Variants in ZNF35 observed in about 807,000 individuals in gnomAD.
ZNF35 encodes the protein zinc finger protein 35 (clone HF.10).
Under a neutral mutation model 45.9 loss-of-function variants are expected in ZNF35, and 31 were observed. The ratio of observed to expected loss-of-function variants is 0.68; its 90% CI spans 0.51 to 0.91. ZNF35 has a LOEUF of 0.91. Among genes scored for constraint, ZNF35 ranks in the 40% least tolerant of loss-of-function variants. The pLI, the probability that ZNF35 is intolerant of heterozygous loss-of-function variation, is 0.00. For missense variants in ZNF35, 515 were observed against 625.4 expected (o/e 0.82, Z 1.88); for synonymous variants, 205 against 220.2 (o/e 0.93, Z 0.61).
chr3:44,658,670 T>A (rs1297790168), intron 3 of ZNF35, 31 bp from the exon 4 acceptor site: 2 of 1,530,420 alleles, frequency 1.3e-6, no homozygotes, highest in African/African-American at 1.4e-5. Flanking sequence ...CAGAGAAAGC[T>A]AACATTTGTA....
rs1056768554 is a variant in ZNF35 at position 44,660,009 on chromosome 3, C to T, written c.*62C>T. ...AACCTTCTGCCTCCCTAATGAGACA[C>T]CTCTTTGCTGTTTTCTTCCTCCTCT... On this transcript the variant is annotated 3_prime_UTR_variant, in exon 4 of 4. Transcript: ENST00000396056. The T allele has an allele frequency of 3.3e-5, 49 of 1,466,658 alleles. No homozygotes were observed. Among genetic ancestry groups the T allele is most frequent in the Non-Finnish European group, 4.3e-5 (47 of 1,100,680 alleles). The allele number at this position is 1,466,658 out of a possible 1,614,324, so 90.9% of individuals were successfully genotyped here. A position where few individuals can be genotyped will look rare whatever the true frequency, so the allele number is the denominator to read the frequency against.
chr3:44,658,620 C>G lies in ZNF35; in HGVS notation c.338-81C>G, dbSNP rs1195789522. 2.8e-6 allele frequency: 4 copies of G among 1,454,108 alleles called. No homozygotes were observed. In the African/African-American group the frequency reaches 4.3e-5, roughly 15 times the overall value. The allele number at this position is 1,454,108 out of a possible 1,614,324, so 90.1% of individuals were successfully genotyped here. On this transcript the variant is annotated intron_variant, in intron 3 of 3. Coordinates refer to ENST00000396056, the MANE Select transcript of ZNF35 (RefSeq NM_003420.4). Reference sequence around the variant, plus strand: ...TTTGTGGAGGTGCTGAAATCACATACTTCGTTTTATGACTTGATGATCCTA... The same window carrying G: ...TTTGTGGAGGTGCTGAAATCACATAGTTCGTTTTATGACTTGATGATCCTA...
At chr3:44,654,282 C>G (rs1042416302) in intron 3 of ZNF35, among the ~76,000 whole-genome samples, 3 of 152,210 alleles carry the variant, frequency 2.0e-5, no homozygotes, top group African/African-American at 7.2e-5. Flanking sequence ...ACACTATTTC[C>G]ATGGCGATGT....
rs1703226432 is a variant in ZNF35, at chr3:44,652,699, T to C, written c.335T>C (p.Leu112Pro). ...GAGACTCATGGGACCATGAACTTTC[T>C]AGGTATGGTTCAGTTCCCTGATTCT... Reference protein sequence around the residue: ...ILETHGTMNFLGAETKNLQLL... With the variant: ...ILETHGTMNFPGAETKNLQLL... The change falls in exon 3 of 4, where the codon CTA becomes CCA. Residue 112 changes from leucine (L) to proline (P), a missense_variant and splice_region_variant. Physicochemically the swap from Leu to Pro is moderately conservative, Grantham distance 98 (BLOSUM62 -3). This residue lies in a region of ZNF35 where 275 missense variants were observed against 295.7 expected (regional missense o/e 0.93). Coordinates refer to ENST00000396056, the MANE Select transcript of ZNF35 (RefSeq NM_003420.4). The C allele has an allele frequency of 6.3e-7, 1 of 1,583,150 alleles. No homozygotes were observed. Among genetic ancestry groups the C allele is most frequent in the African/African-American group, 1.4e-5 (1 of 73,454 alleles).
upstream of ZNF35, chr3:44,646,611 G>A (rs1460014295): frequency 7.5e-6 from 6 of 797,838 alleles, no homozygotes; most frequent in Non-Finnish European, 1.3e-5. Flanking sequence ...TTATTATGAT[G>A]AAAAAGAGAG....
At chr3:44,649,546 A>G (rs1703137788) in intron 1 of ZNF35, among the ~76,000 whole-genome samples, 1 of 152,170 alleles carries the variant, frequency 6.6e-6, no homozygotes, top group Non-Finnish European at 1.5e-5. Context: ...TATTTTGCTC[A>G]CAGGTTAAAA....
In ZNF35 at chr3:44,659,052, G is replaced by T; in HGVS notation, c.689G>T (p.Gly230Val). The change falls in exon 4 of 4, where the codon GGA becomes GTA. Residue 230 changes from glycine to valine, a missense_variant. Physicochemically the swap from Gly to Val is moderately radical, Grantham distance 109 (BLOSUM62 -3). Around this residue, in one of 3 missense-constraint regions of ZNF35, gnomAD observed 275 missense variants for 295.7 expected, o/e 0.93. Coordinates refer to ENST00000396056, the MANE Select transcript of ZNF35 (RefSeq NM_003420.4). This position sits in a 1 kb window ranked among gnomAD's most constrained non-coding sequence, Gnocchi z 4.3. Reference sequence around the variant, plus strand: ...TTTACGTGTAGCGTGTGTGGGAAAGGATTTAGTCAGAGTGCAAACCTCGTT... The same window carrying T: ...TTTACGTGTAGCGTGTGTGGGAAAGTATTTAGTCAGAGTGCAAACCTCGTT... ...KPFTCSVCGK[G>V]FSQSANLVVH... 3 of 1,614,184 alleles carry T rather than the reference G, an allele frequency of 1.9e-6. No individual in the cohort carries two copies. Among genetic ancestry groups the T allele is most frequent in the Non-Finnish European group, 2.5e-6 (3 of 1,180,034 alleles).
upstream of ZNF35, chr3:44,647,174 CATTTCACTGAAGTATAG>C (rs955301509): frequency 6.6e-6 from 1 of 152,058 alleles, no homozygotes; most frequent in African/African-American, 2.4e-5. Context: ...AAAAGACAGA[CATTTCACTGAAGTATAG>C]ATAGCAAATA....
chr3:44,652,516 A>G, intron 2 of ZNF35, 41 bp from the exon 3 acceptor site: 1 of 1,485,512 alleles, frequency 6.7e-7, no homozygotes, highest in Non-Finnish European at 9.0e-7. Context: ...ACTACCCCCT[A>G]CCACCAGTTC....
In ZNF35 at chr3:44,659,964, A is replaced by T; in HGVS notation, c.*17A>T. On this transcript the variant is annotated 3_prime_UTR_variant, in exon 4 of 4. Transcript: ENST00000396056. The surrounding 1 kb of genome is among the most constrained non-coding windows in gnomAD (Gnocchi z 4.3). Reference sequence around the variant, plus strand: ...GTTGAATAACAAGTAAGGAAGAGGAAGACCTCCAGCATTGGTCATAACCTT... The same window carrying T: ...GTTGAATAACAAGTAAGGAAGAGGATGACCTCCAGCATTGGTCATAACCTT... 6.5e-7 allele frequency: 1 copy of T among 1,527,764 alleles called. No individual in the cohort carries two copies. The highest frequency in any genetic ancestry group is 2.3e-5 in the East Asian group (1 of 44,144). The allele number at this position is 1,527,764 out of a possible 1,614,324, so 94.6% of individuals were successfully genotyped here.
chr3:44,655,057 C>G (rs924068983), intron 3 of ZNF35, among the ~76,000 whole-genome samples: 1 of 152,078 alleles, frequency 6.6e-6, no homozygotes, highest in Non-Finnish European at 1.5e-5. Flanking sequence ...TCGCTTGAAC[C>G]CGGGAGACAG....
rs1703382695 is a variant in ZNF35, at chr3:44,660,675, T to C, written c.*728T>C. 6.6e-6 allele frequency: 1 copy of C among 152,250 alleles called. No homozygotes were observed. Among genetic ancestry groups the C allele is most frequent in the East Asian group, 1.9e-4 (1 of 5,194 alleles). 9.4% of individuals were successfully genotyped at this position (152,250 alleles called of 1,614,324 possible). A position where few individuals can be genotyped will look rare whatever the true frequency, so the allele number is the denominator to read the frequency against. On this transcript the variant is annotated 3_prime_UTR_variant, in exon 4 of 4. Transcript: ENST00000396056. ...TCATTTGCCAAGATCAACAGCTCCT[T>C]CTCCAAACAACTCAAGCCCCCAATT...
chr3:44,656,064 T>C lies in ZNF35; in HGVS notation c.338-2637T>C, dbSNP rs77058062. 8.8e-3 allele frequency among the ~76,000 whole-genome samples: 1,334 copies of C among 151,764 alleles called. 22 individuals are homozygous for C. The highest frequency in any genetic ancestry group is 0.031 in the African/African-American group (1,276 of 41,366). On this transcript the variant is annotated intron_variant, in intron 3 of 3. Transcript: ENST00000396056. ...GTGAAAAGAATCAAGGGAGGAGACGTTGGATGGGAGGAGAATAAAGTGGGA... is the reference window on the plus strand; with the variant it reads ...GTGAAAAGAATCAAGGGAGGAGACGCTGGATGGGAGGAGAATAAAGTGGGA...
rs1164977215 is a variant in ZNF35, at chr3:44,652,613, T to C, written c.249T>C (p.Pro83=). The change falls in exon 3 of 4, where the codon CCT becomes CCC. Residue 83 remains proline (P), a synonymous_variant. Transcript: ENST00000396056. ...AVVLKATQEA[P]AASTLGSYSL... is the part of the protein sequence containing the mutation. ...TCCTGAAAGCAACTCAGGAGGCACC[T>C]GCTGCTTCAACCCTTGGCAGCTACT... The C allele has an allele frequency of 6.2e-7, 1 of 1,611,324 alleles. No homozygotes were observed. The highest frequency in any genetic ancestry group is 1.3e-5 in the African/African-American group (1 of 75,008).
intron 3 of ZNF35, among the ~76,000 whole-genome samples, chr3:44,656,373 G>C (rs1253819688): frequency 6.7e-6 from 1 of 149,812 alleles, no homozygotes; most frequent in Non-Finnish European, 1.5e-5. Flanking sequence ...GAAATAACCA[G>C]AAAAAGTTTA....
chr3:44,646,717 T>C, upstream of ZNF35: 1 of 533,012 alleles, frequency 1.9e-6, no homozygotes, highest in Non-Finnish European at 3.3e-6. Context: ...ATATGAAAGG[T>C]ATAAAACATG....
chr3:44,650,010 A>G (rs1464115964), intron 1 of ZNF35, among the ~76,000 whole-genome samples: 1 of 152,192 alleles, frequency 6.6e-6, no homozygotes, highest in African/African-American at 2.4e-5. Context: ...AGGTGAACAT[A>G]TAAGTATGTA....
At chr3:44,652,188 G>A (rs1321483355) in intron 2 of ZNF35, among the ~76,000 whole-genome samples, 1 of 152,094 alleles carries the variant, frequency 6.6e-6, no homozygotes, top group Non-Finnish European at 1.5e-5. Context: ...GAGGGCAGAG[G>A]TTCCCCCAGA....
Position 44,658,940 on chromosome 3 carries a change from A to G in ZNF35, c.577A>G (p.Asn193Asp). ...ACCTGAAAGCTTCAAAGAAGAGGAA[A>G]ACCAGAAATGTAAGAAATCTGGAGG... ...HLPESFKEEE[N>D]QKCKKSGGKY... is the part of the protein sequence containing the mutation. The change falls in exon 4 of 4, where the codon AAC becomes GAC. Residue 193 changes from asparagine (N) to aspartate (D), a missense_variant. This residue lies in a region of ZNF35 where 275 missense variants were observed against 295.7 expected (regional missense o/e 0.93). Transcript: ENST00000396056. 1.2e-6 allele frequency: 2 copies of G among 1,613,842 alleles called. No homozygotes were observed. The highest frequency in any genetic ancestry group is 1.7e-6 in the Non-Finnish European group (2 of 1,179,988).
Sources: allele counts gnomAD v4.1 joint callset (sites outside exome capture counted in the v4.1 genomes callset), GRCh38; gene constraint gnomAD v4.1.1; regional missense constraint gnomAD v4.1.1; non-coding constraint Gnocchi (gnomAD v3.1); transcripts MANE v1.5; gene names NCBI Gene and HGNC (gene_info 2026-07-23, HGNC 2026-07-21).